CDH18: variants seen among roughly 807,000 people sequenced by gnomAD.
CDH18 encodes the protein cadherin 18, also known as cadherin-18.
CDH18 carries 31 observed loss-of-function variants against 67.9 expected under a neutral mutation model. That is an observed-to-expected ratio of 0.46 (90% confidence interval 0.34 to 0.62). CDH18 has a LOEUF of 0.62. Ranked by LOEUF, CDH18 falls within the 20% of genes least tolerant of loss-of-function variation. The pLI, the probability that CDH18 is intolerant of heterozygous loss-of-function variation, is 0.01. For missense variants in CDH18, 890 were observed against 975.5 expected, an observed-to-expected ratio of 0.91 and a Z score of 1.17; for synonymous variants, 362 against 347.2, an observed-to-expected ratio of 1.04 and a Z score of -0.48.
intron 1 of CDH18, among the ~76,000 whole-genome samples, chr5:20,318,478 T>C (rs972879789): frequency 7.9e-5 from 12 of 152,084 alleles, no homozygotes; most frequent in African/African-American, 2.9e-4. Flanking sequence ...GGTGATGGGA[T>C]CCTGGGGGTG....
At chr5:19,791,356 A>AAC (rs58429751) in intron 3 of CDH18, among the ~76,000 whole-genome samples, 43,853 of 141,468 alleles carry the variant, frequency 0.31, 7,016 homozygotes, top group South Asian at 0.48. Flanking sequence ...TCGACTTTTA[A>AAC]ACACACACAC....
At chr5:19,841,703 C>T (rs1003493703) in intron 2 of CDH18, among the ~76,000 whole-genome samples, 1 of 151,958 alleles carries the variant, frequency 6.6e-6, no homozygotes, top group African/African-American at 2.4e-5. Context: ...ACATCTTTGC[C>T]CTTCATGCTA....
intron 2 of CDH18, among the ~76,000 whole-genome samples, chr5:20,249,475 CG>C (rs987600106): frequency 1.3e-5 from 2 of 151,052 alleles, no homozygotes; most frequent in Non-Finnish European, 2.9e-5. Context: ...CTCCGCCTTC[CG>C]GGTTCACGCC....
At chr5:19,831,255 A>G (rs1363585629) in intron 3 of CDH18, among the ~76,000 whole-genome samples, 1 of 152,140 alleles carries the variant, frequency 6.6e-6, no homozygotes, top group Non-Finnish European at 1.5e-5. Context: ...AAAACAAAAC[A>G]AAAAGTGACA....
chr5:19,477,208 T>C (rs561203502), intron 12 of CDH18, among the ~76,000 whole-genome samples: 1 of 151,008 alleles, frequency 6.6e-6, no homozygotes, highest in South Asian at 2.1e-4. Flanking sequence ...ATGTTGTTCA[T>C]AATTATGTCA....
At chr5:20,322,775 T>C (rs1012897921) in intron 1 of CDH18, among the ~76,000 whole-genome samples, 1 of 152,066 alleles carries the variant, frequency 6.6e-6, no homozygotes, top group African/African-American at 2.4e-5. Context: ...TCTAACTACT[T>C]TGGGTTTTCA....
intron 1 of CDH18, among the ~76,000 whole-genome samples, chr5:20,296,305 G>C (rs1348541567): frequency 1.3e-5 from 2 of 151,344 alleles, no homozygotes; most frequent in Non-Finnish European, 2.9e-5. Context: ...CCAGGCTGGA[G>C]TGCAGTGGCG....
At chr5:20,029,796 G>C (rs1288073528) in intron 2 of CDH18, among the ~76,000 whole-genome samples, 1 of 152,094 alleles carries the variant, frequency 6.6e-6, no homozygotes, top group Admixed American at 6.6e-5. Flanking sequence ...ACAAACTTAG[G>C]GCTGCAAAGC....
intron 2 of CDH18, among the ~76,000 whole-genome samples, chr5:19,912,075 G>A (rs752412307): frequency 1.3e-5 from 2 of 151,970 alleles, no homozygotes; most frequent in Admixed American, 1.3e-4. Context: ...CTCTTTGGGA[G>A]TCATCGATTC....
intron 1 of CDH18, among the ~76,000 whole-genome samples, chr5:20,257,683 A>T (rs896838705): frequency 1.3e-5 from 2 of 152,196 alleles, no homozygotes; most frequent in African/African-American, 4.8e-5. Context: ...AATTTCCTGC[A>T]TTGTACACAT....
intron 2 of CDH18, among the ~76,000 whole-genome samples, chr5:20,165,602 A>G (rs1222666541): frequency 6.6e-6 from 1 of 152,152 alleles, no homozygotes; most frequent in Non-Finnish European, 1.5e-5. Context: ...AATTCATCCA[A>G]TAGCTCTTAT....
intron 1 of CDH18, among the ~76,000 whole-genome samples, chr5:20,275,456 C>G (rs1338999709): frequency 6.6e-6 from 1 of 152,120 alleles, no homozygotes; most frequent in Non-Finnish European, 1.5e-5. Context: ...GTCAGGTAAA[C>G]CTCTTTTCTT....
chr5:20,526,530 C>T (rs569505747), intron 1 of CDH18, among the ~76,000 whole-genome samples: 1 of 152,112 alleles, frequency 6.6e-6, no homozygotes, highest in African/African-American at 2.4e-5. Context: ...AGGTCAGTGC[C>T]CCTCTGGGAC....
intron 3 of CDH18, among the ~76,000 whole-genome samples, chr5:19,812,955 C>T (rs565445601): frequency 6.6e-6 from 1 of 152,166 alleles, no homozygotes; most frequent in African/African-American, 2.4e-5. Flanking sequence ...GAATAATATG[C>T]AGCCATGAAA....
intron 2 of CDH18, among the ~76,000 whole-genome samples, chr5:20,178,995 A>G (rs77882789): frequency 0.034 from 5,243 of 152,264 alleles, 310 homozygotes; most frequent in African/African-American, 0.12. Context: ...CCTAGTGGAT[A>G]TCTTCTCCAG....
At position 20,487,836 on chromosome 5, in the gene CDH18, A is replaced by C. The variant is rs1753298993; in HGVS notation, c.-580+87626T>G. Among the ~76,000 whole-genome samples the C allele has an allele frequency of 2.0e-5, 3 of 152,056 alleles. No individual in the cohort carries two copies. The South Asian group carries it at 6.2e-4, about 31-fold the overall frequency. On this transcript the variant is annotated intron_variant, in intron 1 of 14. Transcript: ENST00000507958. ...CAGTATTTTAAATCACATCTCCATG[A>C]CAATATTCCAGATTTTAATATCACG... is the stretch of plus-strand genomic sequence containing the variant.
intron 5 of CDH18, among the ~76,000 whole-genome samples, chr5:19,698,468 A>G (rs1484289032): frequency 1.3e-5 from 2 of 152,084 alleles, no homozygotes; most frequent in Non-Finnish European, 2.9e-5. Context: ...TCAAAAGCTA[A>G]TTTGGCTCAA....
intron 2 of CDH18, among the ~76,000 whole-genome samples, chr5:19,930,266 A>C (rs1259118010): frequency 6.6e-6 from 1 of 152,064 alleles, no homozygotes; most frequent in Non-Finnish European, 1.5e-5. Flanking sequence ...CAAAGTATGC[A>C]TTCTTAATTA....
In CDH18 at chr5:20,405,448, A is replaced by C. The variant is rs915297616; in HGVS notation, c.-579-149943T>G. Among the ~76,000 whole-genome samples, 4 of 152,236 alleles carry C rather than the reference A, an allele frequency of 2.6e-5. No homozygotes were observed. The East Asian group carries it at 5.8e-4, about 22-fold the overall frequency. ...TACAAAAATTAATTCAAGATGGATT[A>C]AAAACTTAAATGTTAGACCTAAAAC... On this transcript the variant is annotated intron_variant, in intron 1 of 14. Coordinates refer to the CDH18 transcript ENST00000507958.
Sources: gnomAD v4.1 joint callset for allele counts (sites outside exome capture counted in the v4.1 genomes callset) on GRCh38, gnomAD v4.1.1 for gene constraint, MANE v1.5 for transcripts, NCBI Gene and HGNC (gene_info 2026-07-23, HGNC 2026-07-21) for gene names.